Variants in MCC observed in about 807,000 individuals in gnomAD.
MCC encodes colorectal mutant cancer protein.
In MCC, 90 loss-of-function variants were observed where a neutral mutation model predicts 116.2. The ratio of observed to expected loss-of-function variants is 0.77; its 90% CI spans 0.65 to 0.92. The LOEUF is 0.92. Among genes scored for constraint, MCC ranks in the 40% least tolerant of loss-of-function variants. MCC has a pLI of 0.00. For synonymous variants in MCC, 578 were observed against 510.5 expected (o/e 1.13, Z -1.78); for missense variants, 1,516 against 1,312.2 (o/e 1.16, Z -2.40).
chr5:113,183,704 T>A (rs1461156052), intron 3 of MCC, among the ~76,000 whole-genome samples: 1 of 152,046 alleles, frequency 6.6e-6, no homozygotes, highest in Non-Finnish European at 1.5e-5. Flanking sequence ...AAACAGCCCA[T>A]CTCAAGAGCA....
chr5:113,434,079 T>G lies in MCC; in HGVS notation c.171-48867A>C, dbSNP rs200978152. On this transcript the variant is annotated intron_variant, in intron 1 of 18. Coordinates refer to ENST00000408903, the MANE Select transcript of MCC (RefSeq NM_001085377.2). This position sits in a 1 kb window ranked among gnomAD's most constrained non-coding sequence, Gnocchi z 4.2. ...GTGGAGCCGCCGGTTGACGTCGGGC[T>G]GCAGCATGTGGTAGATGAGGTCCTT... is the stretch of plus-strand genomic sequence containing the variant. 7 of 1,614,186 alleles carry G rather than the reference T, an allele frequency of 4.3e-6. No individual in the cohort carries two copies. In the African/African-American group the frequency reaches 9.3e-5, roughly 22 times the overall value.
chr5:113,333,802 T>TACATATGTACATATATAC lies in MCC; in HGVS notation c.627+6716_627+6717insGTATATATGTACATATGT, dbSNP rs371343807. 3.2e-4 allele frequency among the ~76,000 whole-genome samples: 17 copies of TACATATGTACATATATAC among 53,836 alleles called. 1 individual carries two copies. Among genetic ancestry groups the TACATATGTACATATATAC allele is most frequent in the African/African-American group, 1.7e-3 (15 of 9,062 alleles). The allele number at this position is 53,836 out of a possible 152,430, so 35.3% of individuals were successfully genotyped here. A position where few individuals can be genotyped will look rare whatever the true frequency, so the allele number is the denominator to read the frequency against. On this transcript the variant is annotated intron_variant, in intron 3 of 18. Transcript: ENST00000408903. ...CTTCATATATATTTATATATATATGTATATATGTATATATGTACATATATG... is the reference window on the plus strand; with the variant it reads ...CTTCATATATATTTATATATATATGTACATATGTACATATATACATATATGTATATATGTACATATATG...
At chr5:113,194,637 G>A (rs556713906) in intron 3 of MCC, among the ~76,000 whole-genome samples, 63 of 152,092 alleles carry the variant, frequency 4.1e-4, no homozygotes, top group African/African-American at 1.4e-3. Flanking sequence ...CATCCTGGGC[G>A]ACAAAGGAAG....
At chr5:113,287,977 C>T (rs560527649) in intron 3 of MCC, among the ~76,000 whole-genome samples, 10 of 152,376 alleles carry the variant, frequency 6.6e-5, no homozygotes, top group African/African-American at 2.2e-4. Context: ...TTCTGATCAC[C>T]TACCTGGTCT....
At chr5:113,477,102 G>A (rs943468096) in intron 1 of MCC, among the ~76,000 whole-genome samples, 3 of 152,092 alleles carry the variant, frequency 2.0e-5, no homozygotes, top group Non-Finnish European at 4.4e-5. Flanking sequence ...CTTTCTCAAA[G>A]GAATGAGTAT....
At chr5:113,452,854 C>G (rs1165082188) in intron 1 of MCC, among the ~76,000 whole-genome samples, 1 of 152,214 alleles carries the variant, frequency 6.6e-6, no homozygotes. Flanking sequence ...GTTGGCACCA[C>G]TGCCAGTTTG....
chr5:113,150,318 G>A (rs1562016), intron 4 of MCC, among the ~76,000 whole-genome samples: 93,328 of 151,944 alleles, frequency 0.61, 29,240 homozygotes, highest in East Asian at 0.73. Flanking sequence ...ACATGAAAAT[G>A]AAAAACAGAA....
chr5:113,037,352 C>T (rs957218607), intron 17 of MCC, among the ~76,000 whole-genome samples: 1 of 152,114 alleles, frequency 6.6e-6, no homozygotes, highest in Non-Finnish European at 1.5e-5. Flanking sequence ...CTGGCTTTTT[C>T]GAAGGCACTG....
At chr5:113,415,423 TC>T (rs1385615980) in intron 1 of MCC, among the ~76,000 whole-genome samples, 12 of 152,336 alleles carry the variant, frequency 7.9e-5, no homozygotes, top group African/African-American at 2.6e-4. Context: ...GTAGATTTGG[TC>T]TTTTCACATA....
chr5:113,317,336 G>A (rs1330732944), intron 3 of MCC, among the ~76,000 whole-genome samples: 1 of 152,180 alleles, frequency 6.6e-6, no homozygotes, highest in Admixed American at 6.5e-5. Context: ...ACAGACCCTT[G>A]GGTCCACATG....
chr5:113,068,047 AAG>A (rs762705622), intron 13 of MCC, 31 bp downstream of exon 13: 16 of 1,557,434 alleles, frequency 1.0e-5, no homozygotes, highest in Non-Finnish European at 1.4e-5. Context: ...GCAGGGAGAC[AAG>A]AGGAGGAAGA....
chr5:113,237,959 G>A (rs1434679415), intron 3 of MCC, among the ~76,000 whole-genome samples: 1 of 152,176 alleles, frequency 6.6e-6, no homozygotes, highest in African/African-American at 2.4e-5. Flanking sequence ...GCTGGGGAGG[G>A]AAAAAACTGA....
chr5:113,023,985 G>A lies in MCC; in HGVS notation c.*3317C>T, dbSNP rs1326770387. The A allele has an allele frequency of 6.6e-6, 1 of 152,102 alleles. No individual in the cohort carries two copies. Among genetic ancestry groups the A allele is most frequent in the Admixed American group, 6.5e-5 (1 of 15,276 alleles). The allele number at this position is 152,102 out of a possible 1,614,324, so 9.4% of individuals were successfully genotyped here. On this transcript the variant is annotated 3_prime_UTR_variant, in exon 19 of 19. Transcript: ENST00000408903. ...TTTCTCATTTAAAATAATCTAATCT[G>A]TATCCAGTTAGGAACCAGAAGACTT...
At chr5:113,055,703 T>TA (rs1752788142) in intron 14 of MCC, among the ~76,000 whole-genome samples, 1 of 152,208 alleles carries the variant, frequency 6.6e-6, no homozygotes, top group African/African-American at 2.4e-5. Context: ...CTATGCCCAG[T>TA]AAGTTCCCAC....
At chr5:113,291,266 C>T (rs1400208966) in intron 3 of MCC, among the ~76,000 whole-genome samples, 1 of 152,162 alleles carries the variant, frequency 6.6e-6, no homozygotes, top group African/African-American at 2.4e-5. Flanking sequence ...TCCTATCTCC[C>T]TAGTATCCAA....
At chr5:113,433,744 C>A in intron 1 of MCC, 2 of 1,611,594 alleles carry the variant, frequency 1.2e-6, no homozygotes, top group Admixed American at 1.7e-5. Context: ...GCTCACTGGG[C>A]CCGCGTCTCT....
chr5:113,419,679 T>G (rs534727473), intron 1 of MCC, among the ~76,000 whole-genome samples: 1 of 151,816 alleles, frequency 6.6e-6, no homozygotes, highest in African/African-American at 2.4e-5. Flanking sequence ...CACCATGGAA[T>G]ACTATGCAGC....
At chr5:113,206,471 T>G (rs1236062605) in intron 3 of MCC, among the ~76,000 whole-genome samples, 1 of 152,200 alleles carries the variant, frequency 6.6e-6, no homozygotes, top group Non-Finnish European at 1.5e-5. Context: ...TCCCAGCACT[T>G]TGGGAGGCTG....
chr5:113,092,722 C>T (rs4235791), intron 8 of MCC, among the ~76,000 whole-genome samples: 146,975 of 152,300 alleles, frequency 0.97, 71,124 homozygotes, highest in East Asian at 1. Flanking sequence ...CTGACACTGA[C>T]GTAGGTGGTG....
Sources: allele counts gnomAD v4.1 joint callset (sites outside exome capture counted in the v4.1 genomes callset), GRCh38; gene constraint gnomAD v4.1.1; non-coding constraint Gnocchi (gnomAD v3.1); transcripts MANE v1.5; gene names NCBI Gene and HGNC (gene_info 2026-07-23, HGNC 2026-07-21).